The following DCC variants were observed in gnomAD, a reference collection of about 807,000 sequenced individuals.
DCC encodes netrin receptor DCC.
A neutral mutation model predicts 172.5 loss-of-function variants in DCC; 58 were observed. The observed-to-expected ratio is 0.34, with a 90% CI of 0.27 to 0.42. The LOEUF is 0.42. Among genes scored for constraint, DCC ranks in the 10% least tolerant of loss-of-function variants. The pLI, the probability that DCC is intolerant of heterozygous loss-of-function variation, is 1.00. For synonymous variants in DCC, 709 were observed against 644.5 expected (o/e 1.10, Z -1.52); for missense variants, 1,740 against 1,791.0 (o/e 0.97, Z 0.51).
intron 15 of DCC, among the ~76,000 whole-genome samples, chr18:53,370,532 C>T (rs2058050160): frequency 4.6e-5 from 7 of 151,406 alleles, no homozygotes; most frequent in Admixed American, 4.0e-4. Context: ...TAAACTTTAC[C>T]CCAGCACTAC....
intron 2 of DCC, among the ~76,000 whole-genome samples, chr18:52,810,726 G>T (rs1207136020): frequency 6.6e-6 from 1 of 152,164 alleles, no homozygotes; most frequent in Non-Finnish European, 1.5e-5. Context: ...GGAAAGGGTA[G>T]GTATTTTTGA....
At chr18:53,499,545 A>G (rs1410548652) in intron 27 of DCC, 35 bp downstream of exon 27, 2 of 1,543,822 alleles carry the variant, frequency 1.3e-6, no homozygotes, top group East Asian at 2.2e-5. Context: ...TAAAATTCTT[A>G]TTATTATTGG....
At chr18:52,510,964 A>T (rs1373771415) in intron 1 of DCC, among the ~76,000 whole-genome samples, 1 of 152,158 alleles carries the variant, frequency 6.6e-6, no homozygotes, top group Non-Finnish European at 1.5e-5. Flanking sequence ...GAAGGAGTTC[A>T]CTTTTCTCAC....
At chr18:53,162,078 C>T (rs772161773) in intron 8 of DCC, among the ~76,000 whole-genome samples, 1 of 152,068 alleles carries the variant, frequency 6.6e-6, no homozygotes, top group Non-Finnish European at 1.5e-5. Context: ...GTGAGTGGAT[C>T]ATTTGAGGTC....
At chr18:52,888,244 T>C (rs1228011318) in intron 2 of DCC, among the ~76,000 whole-genome samples, 1 of 152,234 alleles carries the variant, frequency 6.6e-6, no homozygotes. Flanking sequence ...ATTAACACCC[T>C]GGCCAGAAGT....
chr18:53,288,242 T>TC (rs1165708796), intron 12 of DCC, among the ~76,000 whole-genome samples: 1 of 152,174 alleles, frequency 6.6e-6, no homozygotes, highest in African/African-American at 2.4e-5. Context: ...ACAAACCTTT[T>TC]CATTTCTAGA....
intron 6 of DCC, 100 bp from the exon 7 acceptor site, chr18:53,065,946 T>A: frequency 7.0e-7 from 1 of 1,424,922 alleles, no homozygotes; most frequent in Non-Finnish European, 9.9e-7. Flanking sequence ...TCTTGTTTCT[T>A]CTGTGCTGTT....
intron 1 of DCC, among the ~76,000 whole-genome samples, chr18:52,524,641 A>T (rs1226056447): frequency 6.6e-6 from 1 of 152,214 alleles, no homozygotes; most frequent in Non-Finnish European, 1.5e-5. Context: ...GTTACTAAGA[A>T]TAAATCAATT....
At chr18:52,964,706 C>G (rs983994212) in intron 5 of DCC, among the ~76,000 whole-genome samples, 1 of 151,916 alleles carries the variant, frequency 6.6e-6, no homozygotes, top group African/African-American at 2.4e-5. Flanking sequence ...TTTCCTATTA[C>G]TGCTGTTTTA....
intron 1 of DCC, among the ~76,000 whole-genome samples, chr18:52,629,949 CAAAAAA>C (rs540334133): frequency 2.4e-5 from 1 of 40,910 alleles, no homozygotes; most frequent in Non-Finnish European, 4.3e-5. Flanking sequence ...GACTCCGTCT[CAAAAAA>C]AAAAAAAAAA....
chr18:53,189,758 G>A (rs1359208440), intron 9 of DCC, among the ~76,000 whole-genome samples: 1 of 152,126 alleles, frequency 6.6e-6, no homozygotes, highest in East Asian at 1.9e-4. Flanking sequence ...TGGCCTGAAG[G>A]AAACTAATAA....
At chr18:53,449,423 C>T (rs751737485) in intron 22 of DCC, among the ~76,000 whole-genome samples, 33 of 152,198 alleles carry the variant, frequency 2.2e-4, no homozygotes, top group South Asian at 6.2e-4. Context: ...TTTTCTGCCA[C>T]GAGGTACTGA....
intron 12 of DCC, among the ~76,000 whole-genome samples, chr18:53,233,518 C>T (rs921788974): frequency 5.3e-5 from 8 of 151,824 alleles, no homozygotes; most frequent in Admixed American, 3.9e-4. Flanking sequence ...ATCTTATTTC[C>T]TGCGGTTTCA....
At chr18:53,373,307 C>T (rs1599077628) in intron 15 of DCC, among the ~76,000 whole-genome samples, 2 of 151,918 alleles carry the variant, frequency 1.3e-5, no homozygotes, top group East Asian at 1.9e-4. Flanking sequence ...AATATTCCTG[C>T]GGATGCTGAC....
intron 1 of DCC, among the ~76,000 whole-genome samples, chr18:52,392,396 T>C (rs2144352258): frequency 6.6e-6 from 1 of 152,230 alleles, no homozygotes; most frequent in South Asian, 2.1e-4. Flanking sequence ...CACATGCTAA[T>C]GCTATTAATA....
At chr18:52,389,680 G>A (rs1228428321) in intron 1 of DCC, among the ~76,000 whole-genome samples, 1 of 152,050 alleles carries the variant, frequency 6.6e-6, no homozygotes, top group Non-Finnish European at 1.5e-5. Context: ...TTGCAACAAG[G>A]AAACAGAATA....
chr18:52,802,270 G>A (rs563046342), intron 2 of DCC, among the ~76,000 whole-genome samples: 5 of 152,102 alleles, frequency 3.3e-5, no homozygotes, highest in South Asian at 4.2e-4. Context: ...AGTATCTACC[G>A]TTTAATATTG....
At chr18:53,369,543 G>A (rs1357321131) in intron 15 of DCC, among the ~76,000 whole-genome samples, 1 of 151,800 alleles carries the variant, frequency 6.6e-6, no homozygotes, top group African/African-American at 2.4e-5. Flanking sequence ...TTGAAAGTGG[G>A]CATCCTTGTC....
Position 53,305,667 on chromosome 18 carries a change from C to A in DCC, c.2001C>A (p.Arg667=). Residue 667 remains arginine (R), a synonymous_variant, in exon 13 of 29, where the codon CGC becomes CGA. Transcript: ENST00000442544. ...AAATTCGACACAGAAAGACGACCCGCAGGGGTGAGATGGAAACACTGGAGC... is the reference window on the plus strand; with the variant it reads ...AAATTCGACACAGAAAGACGACCCGAAGGGGTGAGATGGAAACACTGGAGC... ...GYKIRHRKTT[R]RGEMETLEPN... The A allele has an allele frequency of 6.2e-7, 1 of 1,614,010 alleles. No homozygotes were observed. Among genetic ancestry groups the A allele is most frequent in the South Asian group, 1.1e-5 (1 of 91,082 alleles).
Sources: allele counts gnomAD v4.1 joint callset (sites outside exome capture counted in the v4.1 genomes callset), GRCh38; gene constraint gnomAD v4.1.1; transcripts MANE v1.5; gene names NCBI Gene and HGNC (gene_info 2026-07-23, HGNC 2026-07-21).